Variants in LGR4 observed in about 807,000 individuals in gnomAD.
The protein encoded by LGR4 is leucine rich repeat containing G protein-coupled receptor 4.
Under a neutral mutation model 84.8 loss-of-function variants are expected in LGR4, and 44 were observed. The ratio of observed to expected loss-of-function variants is 0.52; its 90% CI spans 0.41 to 0.67. LGR4 has a LOEUF of 0.67. Ranked by LOEUF, LGR4 falls within the 30% of genes least tolerant of loss-of-function variation. The pLI, the probability that LGR4 is intolerant of heterozygous loss-of-function variation, is 0.00. For missense variants in LGR4, 1,032 were observed against 1,131.4 expected, an observed-to-expected ratio of 0.91 and a Z score of 1.26; for synonymous variants, 429 against 434.3, an observed-to-expected ratio of 0.99 and a Z score of 0.15.
At chr11:27,429,926 C>G (rs548593113) in intron 1 of LGR4, among the ~76,000 whole-genome samples, 1 of 152,112 alleles carries the variant, frequency 6.6e-6, no homozygotes, top group Non-Finnish European at 1.5e-5. Flanking sequence ...CCCCCTGCAG[C>G]CCTGCAGGGC....
intron 2 of LGR4, among the ~76,000 whole-genome samples, chr11:27,409,742 G>T (rs1440430889): frequency 1.3e-5 from 2 of 152,012 alleles, no homozygotes; most frequent in East Asian, 3.9e-4. Flanking sequence ...AATTTTCTAT[G>T]TCCATGCCTT....
intron 1 of LGR4, among the ~76,000 whole-genome samples, chr11:27,413,384 C>T (rs183956950): frequency 4.7e-4 from 72 of 152,202 alleles, no homozygotes; most frequent in Non-Finnish European, 3.2e-4. Flanking sequence ...CAGATGCAGG[C>T]TAAGGACAAG....
At position 27,371,636 on chromosome 11, in the gene LGR4, T is replaced by G; in HGVS notation, c.1558A>C (p.Ile520Leu). ...LENEEHSQII[I>L]HCTPSTGAFK... is the part of the protein sequence containing the mutation. ...ATACCTGTTGAAGGTGTACAATGGA[T>G]AATTATTTGACTATGTTCTTCATTT... The change falls in exon 17 of 18, where the codon ATC becomes CTC. Residue 520 changes from isoleucine to leucine, a missense_variant. Physicochemically the swap from Ile to Leu is conservative, Grantham distance 5. Coordinates refer to ENST00000379214, the MANE Select transcript of LGR4 (RefSeq NM_018490.5). The G allele has an allele frequency of 6.2e-7, 1 of 1,613,328 alleles. No homozygotes were observed. Among genetic ancestry groups the G allele is most frequent in the Non-Finnish European group, 8.5e-7 (1 of 1,179,436 alleles).
At chr11:27,399,108 A>G (rs1863447756) in intron 2 of LGR4, among the ~76,000 whole-genome samples, 1 of 152,052 alleles carries the variant, frequency 6.6e-6, no homozygotes, top group African/African-American at 2.4e-5. Context: ...CTGGGGTTTC[A>G]CCAAGTTGGT....
chr11:27,448,094 AT>A (rs755202327), intron 1 of LGR4, among the ~76,000 whole-genome samples: 3 of 152,162 alleles, frequency 2.0e-5, no homozygotes, highest in Non-Finnish European at 4.4e-5. Flanking sequence ...AAATTAAAGA[AT>A]TTGGATCATG....
intron 1 of LGR4, among the ~76,000 whole-genome samples, chr11:27,468,367 C>A (rs1254104177): frequency 6.6e-6 from 1 of 152,244 alleles, no homozygotes; most frequent in East Asian, 1.9e-4. Flanking sequence ...TTAAGCCATA[C>A]CCACAGGAAA....
intron 1 of LGR4, among the ~76,000 whole-genome samples, chr11:27,424,667 T>C (rs1320123289): frequency 6.6e-6 from 1 of 152,148 alleles, no homozygotes; most frequent in Non-Finnish European, 1.5e-5. Flanking sequence ...CCCATGACAG[T>C]AGAAGCCCCA....
rs1413043013 is a variant in LGR4, at chr11:27,381,701, A to T, written c.758+487T>A. 7.7e-5 allele frequency among the ~76,000 whole-genome samples: 3 copies of T among 39,204 alleles called. No homozygotes were observed. In the East Asian group the frequency reaches 2.7e-3, roughly 35 times the overall value. The allele number at this position is 39,204 out of a possible 152,430, so 25.7% of individuals were successfully genotyped here. A position where few individuals can be genotyped will look rare whatever the true frequency, so the allele number is the denominator to read the frequency against. On this transcript the variant is annotated intron_variant, in intron 7 of 17. Coordinates refer to ENST00000379214, the MANE Select transcript of LGR4 (RefSeq NM_018490.5). ...TGAGACTCCGTCTCAAAACATACAA[A>T]CAATCAAAAAAAAAAATAAAAACAA...
At chr11:27,466,419 G>A (rs954242135) in intron 1 of LGR4, among the ~76,000 whole-genome samples, 3 of 152,136 alleles carry the variant, frequency 2.0e-5, no homozygotes, top group Non-Finnish European at 2.9e-5. Flanking sequence ...TTAGAAGAAT[G>A]AGAATAAAAG....
intron 2 of LGR4, among the ~76,000 whole-genome samples, chr11:27,410,625 T>A (rs769892623): frequency 1.3e-5 from 2 of 152,152 alleles, no homozygotes; most frequent in East Asian, 3.9e-4. Context: ...TTTTTATATT[T>A]ATTTTAGTAT....
At chr11:27,382,383 T>C in intron 6 of LGR4, 127 bp from the exon 7 acceptor site, 1 of 625,146 alleles carries the variant, frequency 1.6e-6, no homozygotes, top group East Asian at 2.8e-5. Context: ...TTATCAACCA[T>C]ATCGTCATTC....
intron 1 of LGR4, among the ~76,000 whole-genome samples, chr11:27,422,247 T>C (rs1317205361): frequency 6.6e-6 from 1 of 152,244 alleles, no homozygotes; most frequent in African/African-American, 2.4e-5. Context: ...GCATTTACTA[T>C]GGTAAATATT....
At chr11:27,438,653 G>A (rs966204510) in intron 1 of LGR4, among the ~76,000 whole-genome samples, 10 of 151,792 alleles carry the variant, frequency 6.6e-5, no homozygotes, top group Non-Finnish European at 1.5e-4. Flanking sequence ...TAATATGGGT[G>A]GGCCTCATCC....
At chr11:27,413,359 T>A (rs61578227) in intron 1 of LGR4, among the ~76,000 whole-genome samples, 1 of 152,142 alleles carries the variant, frequency 6.6e-6, no homozygotes. Context: ...GTGGATTTCA[T>A]GTTCCGCCTA....
Position 27,368,308 on chromosome 11 carries a change from G to T in LGR4, c.2415C>A (p.Asn805Lys), listed in dbSNP as rs1252159538. Residue 805 changes from asparagine (N) to lysine (K), a missense_variant, in exon 18 of 18, where the codon AAC becomes AAA. Transcript: ENST00000379214. Reference sequence around the variant, plus strand: ...ACTTCCAGTCTTCTTTAAACTTTGGGTTGAAGAAAACATACAGGACTGGAT... The same window carrying T: ...ACTTCCAGTCTTCTTTAAACTTTGGTTTGAAGAAAACATACAGGACTGGAT... ...CLNPVLYVFF[N>K]PKFKEDWKLL... 4 of 1,614,064 alleles carry T rather than the reference G, an allele frequency of 2.5e-6. No homozygotes were observed. Among genetic ancestry groups the T allele is most frequent in the Non-Finnish European group, 3.4e-6 (4 of 1,179,990 alleles).
intron 1 of LGR4, among the ~76,000 whole-genome samples, chr11:27,458,462 A>C (rs965711713): frequency 2.6e-5 from 4 of 152,218 alleles, no homozygotes; most frequent in African/African-American, 9.6e-5. Flanking sequence ...AACATTAAAA[A>C]GGATGACTTT....
rs190681557 is a variant in LGR4, at chr11:27,451,233, A to T, written c.185+20885T>A. Reference sequence around the variant, plus strand: ...AACTGTTTAGAACCATTTAGTTTGGAACCATAACTTCAGACAAATGCTTCA... The same window carrying T: ...AACTGTTTAGAACCATTTAGTTTGGTACCATAACTTCAGACAAATGCTTCA... On this transcript the variant is annotated intron_variant, in intron 1 of 17. Coordinates refer to ENST00000379214, the MANE Select transcript of LGR4 (RefSeq NM_018490.5). Among the ~76,000 whole-genome samples the T allele has an allele frequency of 4.6e-5, 7 of 152,296 alleles. No individual in the cohort carries two copies. The East Asian group carries it at 1.4e-3, about 29-fold the overall frequency.
intron 11 of LGR4, among the ~76,000 whole-genome samples, chr11:27,377,573 T>C (rs1565071223): frequency 6.6e-6 from 1 of 152,006 alleles, no homozygotes; most frequent in African/African-American, 2.4e-5. Flanking sequence ...GTGGTAAAGC[T>C]ACATTTTTTT....
At chr11:27,400,270 C>T (rs964900831) in intron 2 of LGR4, among the ~76,000 whole-genome samples, 4 of 152,088 alleles carry the variant, frequency 2.6e-5, no homozygotes, top group Non-Finnish European at 5.9e-5. Flanking sequence ...GGGTACTCAA[C>T]CTACTGGCCC....
Sources: gnomAD v4.1 joint callset for allele counts (sites outside exome capture counted in the v4.1 genomes callset) on GRCh38, gnomAD v4.1.1 for gene constraint, MANE v1.5 for transcripts, NCBI Gene and HGNC (gene_info 2026-07-23, HGNC 2026-07-21) for gene names.